PLXNA2: variants seen among roughly 807,000 people sequenced by gnomAD.
PLXNA2 encodes the protein plexin-A2.
In PLXNA2, 91 loss-of-function variants were observed where a neutral mutation model predicts 193.5. The ratio of observed to expected loss-of-function variants is 0.47; its 90% CI spans 0.40 to 0.56. The LOEUF (loss-of-function observed/expected upper bound fraction) is 0.56, where lower values mean the gene tolerates loss of function less well. PLXNA2 is among the 20% of genes least tolerant of loss of function. PLXNA2 has a pLI of 0.00. For missense variants in PLXNA2, 1,995 were observed against 2,503.2 expected, an observed-to-expected ratio of 0.80 and a Z score of 4.33; for synonymous variants, 997 against 1,027.3, an observed-to-expected ratio of 0.97 and a Z score of 0.56.
intron 13 of PLXNA2, among the ~76,000 whole-genome samples, chr1:208,055,117 CA>C (rs1270222714): frequency 6.6e-6 from 1 of 152,106 alleles, no homozygotes; most frequent in East Asian, 1.9e-4. Flanking sequence ...CCGCAGTAGG[CA>C]AAGGGGTGGG....
chr1:208,046,220 C>T (rs1665060045), intron 17 of PLXNA2, 103 bp from the exon 18 acceptor site: 4 of 1,382,136 alleles, frequency 2.9e-6, no homozygotes, highest in Non-Finnish European at 3.9e-6. Flanking sequence ...TGCCTCGTCA[C>T]TGGGTTTACT....
chr1:208,142,229 A>T, intron 4 of PLXNA2, 100 bp downstream of exon 4: 1 of 1,326,306 alleles, frequency 7.5e-7, no homozygotes, highest in Non-Finnish European at 1.0e-6. Flanking sequence ...CTGCAAGCCC[A>T]GAGGTCTCTC....
intron 1 of PLXNA2, among the ~76,000 whole-genome samples, chr1:208,233,213 G>T (rs1478874805): frequency 6.6e-6 from 1 of 152,146 alleles, no homozygotes; most frequent in Non-Finnish European, 1.5e-5. Flanking sequence ...CTCCTCAAGA[G>T]CCTGGACAAT....
chr1:208,060,264 T>C (rs1401260412), intron 13 of PLXNA2, among the ~76,000 whole-genome samples: 1 of 152,202 alleles, frequency 6.6e-6, no homozygotes, highest in Non-Finnish European at 1.5e-5. Context: ...TAAATGAATT[T>C]GCTCCAGCGG....
chr1:208,127,712 G>C (rs1046358176), intron 4 of PLXNA2, among the ~76,000 whole-genome samples: 1 of 152,224 alleles, frequency 6.6e-6, no homozygotes. Context: ...CAAAAAGTTG[G>C]ATGAGGGGCC....
intron 3 of PLXNA2, among the ~76,000 whole-genome samples, chr1:208,164,300 T>C (rs1157513555): frequency 6.6e-6 from 1 of 152,138 alleles, no homozygotes; most frequent in Non-Finnish European, 1.5e-5. Flanking sequence ...ACCACCAACA[T>C]CTACCTGAGG....
intron 1 of PLXNA2, among the ~76,000 whole-genome samples, chr1:208,228,981 C>T (rs1401052695): frequency 1.3e-5 from 2 of 152,084 alleles, no homozygotes; most frequent in African/African-American, 4.8e-5. Flanking sequence ...CTGGTTTGTC[C>T]AGGCACCTGT....
intron 4 of PLXNA2, among the ~76,000 whole-genome samples, chr1:208,117,637 C>T (rs898367432): frequency 7.9e-5 from 12 of 152,236 alleles, no homozygotes; most frequent in African/African-American, 2.6e-4. Context: ...AGGGGAGTTT[C>T]GAGGCCCAGG....
intron 27 of PLXNA2, 92 bp from the exon 28 acceptor site, chr1:208,033,601 C>G (rs6702082): frequency 0.37 from 367,627 of 1,006,324 alleles, 77,037 homozygotes; most frequent in Non-Finnish European, 0.43. Flanking sequence ...CTGCTGCATC[C>G]ACTCAGAATA....
At chr1:208,166,838 C>G (rs1669326229) in intron 3 of PLXNA2, among the ~76,000 whole-genome samples, 1 of 152,130 alleles carries the variant, frequency 6.6e-6, no homozygotes, top group Admixed American at 6.5e-5. Flanking sequence ...GGATTCTAAA[C>G]CTCTGGTTTC....
rs1668969836 is a variant in PLXNA2, at chr1:208,157,359, CCTT to C, written c.1372-14899_1372-14897del. On this transcript the variant is annotated intron_variant, in intron 3 of 31. Transcript: ENST00000367033. Reference sequence around the variant, plus strand: ...TCTTTTATTGTAAGTCATCTTAATTCCTTCTTTGGAAAGAAGTGAGATATGAAT... The same window carrying C: ...TCTTTTATTGTAAGTCATCTTAATTCCTTTGGAAAGAAGTGAGATATGAAT... Among the ~76,000 whole-genome samples, 3 of 152,146 alleles carry C rather than the reference CCTT, an allele frequency of 2.0e-5. No individual in the cohort carries two copies. In the South Asian group the frequency reaches 6.2e-4, roughly 32 times the overall value.
intron 12 of PLXNA2, among the ~76,000 whole-genome samples, chr1:208,069,146 G>C (rs1415214980): frequency 6.6e-6 from 1 of 152,194 alleles, no homozygotes; most frequent in Non-Finnish European, 1.5e-5. Flanking sequence ...AGGTCAGCAG[G>C]ATGTGGGATT....
chr1:208,103,614 C>G (rs1248014586), intron 4 of PLXNA2, among the ~76,000 whole-genome samples: 1 of 152,228 alleles, frequency 6.6e-6, no homozygotes, highest in Non-Finnish European at 1.5e-5. Flanking sequence ...CTCTGAAGAG[C>G]TTTCAGCTGG....
At chr1:208,191,546 T>G (rs985572420) in intron 3 of PLXNA2, among the ~76,000 whole-genome samples, 2 of 152,248 alleles carry the variant, frequency 1.3e-5, no homozygotes, top group Non-Finnish European at 2.9e-5. Context: ...CTGATCTATA[T>G]GCTTTACATG....
intron 11 of PLXNA2, 101 bp from the exon 12 acceptor site, chr1:208,079,551 C>CT: frequency 1.2e-6 from 1 of 801,288 alleles, no homozygotes; most frequent in Non-Finnish European, 2.0e-6. Context: ...CTCTTCCCCA[C>CT]CATGGATAAC....
At chr1:208,194,890 T>A (rs1670308177) in intron 3 of PLXNA2, among the ~76,000 whole-genome samples, 1 of 152,226 alleles carries the variant, frequency 6.6e-6, no homozygotes, top group Non-Finnish European at 1.5e-5. Flanking sequence ...AGGTGCTGTT[T>A]CCTGCAGTGT....
intron 12 of PLXNA2, among the ~76,000 whole-genome samples, chr1:208,073,956 AC>A (rs748235219): frequency 2.6e-5 from 4 of 152,130 alleles, no homozygotes; most frequent in Non-Finnish European, 4.4e-5. Flanking sequence ...CGCTGCTGAC[AC>A]CTTGATCTTG....
intron 12 of PLXNA2, among the ~76,000 whole-genome samples, chr1:208,069,670 C>G (rs993027444): frequency 2.6e-5 from 4 of 152,130 alleles, no homozygotes; most frequent in Admixed American, 2.0e-4. Context: ...TTGGGGCCAA[C>G]TTCAGAGTAG....
At chr1:208,195,805 T>C (rs984728848) in intron 3 of PLXNA2, among the ~76,000 whole-genome samples, 1 of 151,896 alleles carries the variant, frequency 6.6e-6, no homozygotes, top group Non-Finnish European at 1.5e-5. Flanking sequence ...TTCTTTGATT[T>C]GATGGTGGGG....
Sources: allele counts gnomAD v4.1 joint callset (sites outside exome capture counted in the v4.1 genomes callset), GRCh38; gene constraint gnomAD v4.1.1; transcripts MANE v1.5; gene names NCBI Gene and HGNC (gene_info 2026-07-23, HGNC 2026-07-21).